The following ERBB4 variants were observed in gnomAD, a reference collection of about 807,000 sequenced individuals.
ERBB4 encodes receptor tyrosine-protein kinase erbB-4.
A neutral mutation model predicts 158.0 loss-of-function variants in ERBB4; 42 were observed. The observed-to-expected ratio is 0.27, with a 90% CI of 0.21 to 0.34. ERBB4 has a LOEUF of 0.34. Among genes scored for constraint, ERBB4 ranks in the 10% least tolerant of loss-of-function variants. The probability of loss-of-function intolerance (pLI) is 1.00; values close to 1 mark genes in which losing one functional copy is unlikely to be tolerated. For synonymous variants in ERBB4, 583 were observed against 558.7 expected (o/e 1.04, Z -0.61); for missense variants, 1,333 against 1,624.1 (o/e 0.82, Z 3.08).
At chr2:212,412,613 G>A (rs957296348) in intron 1 of ERBB4, among the ~76,000 whole-genome samples, 1 of 152,110 alleles carries the variant, frequency 6.6e-6, no homozygotes, top group Non-Finnish European at 1.5e-5. Context: ...CCAGTCTCAG[G>A]TATTCCTTCA....
chr2:211,680,515 T>C (rs1186211733), intron 12 of ERBB4, among the ~76,000 whole-genome samples: 1 of 152,184 alleles, frequency 6.6e-6, no homozygotes, highest in Admixed American at 6.5e-5. Flanking sequence ...GCAAGAACAT[T>C]TGCGAGGTGG....
intron 4 of ERBB4, chr2:211,779,478 T>C (rs2075981111): frequency 6.6e-6 from 1 of 152,220 alleles, no homozygotes; most frequent in Non-Finnish European, 1.5e-5. Context: ...TTCACCATTA[T>C]ATTCATAGGT....
intron 14 of ERBB4, among the ~76,000 whole-genome samples, chr2:211,668,901 C>CT (rs1185977444): frequency 6.6e-6 from 1 of 152,018 alleles, no homozygotes; most frequent in Non-Finnish European, 1.5e-5. Context: ...GGCTCGCTGC[C>CT]TTAGAACATT....
intron 19 of ERBB4, among the ~76,000 whole-genome samples, chr2:211,601,285 C>A (rs1193183791): frequency 6.6e-6 from 1 of 151,660 alleles, no homozygotes; most frequent in Non-Finnish European, 1.5e-5. Flanking sequence ...AGAAAACATA[C>A]TAGAAAATTA....
At chr2:211,579,213 T>C (rs73076976) in intron 19 of ERBB4, among the ~76,000 whole-genome samples, 13,843 of 152,004 alleles carry the variant, frequency 0.091, 1,686 homozygotes, top group African/African-American at 0.28. Context: ...TTAACGACAC[T>C]GAGATGTTGA....
chr2:211,851,740 A>C (rs2106034718), intron 3 of ERBB4, among the ~76,000 whole-genome samples: 1 of 152,066 alleles, frequency 6.6e-6, no homozygotes, highest in African/African-American at 2.4e-5. Context: ...ATAAGAGAAT[A>C]GTGAAAAAGC....
At chr2:211,469,153 G>A (rs1320889930) in intron 20 of ERBB4, among the ~76,000 whole-genome samples, 1 of 152,098 alleles carries the variant, frequency 6.6e-6, no homozygotes, top group Non-Finnish European at 1.5e-5. Context: ...GCAGCTGCTT[G>A]CCTGTCATGC....
intron 19 of ERBB4, among the ~76,000 whole-genome samples, chr2:211,603,948 G>C (rs764010601): frequency 1.3e-5 from 2 of 152,190 alleles, no homozygotes; most frequent in Non-Finnish European, 2.9e-5. Context: ...AATTGTTCAA[G>C]TGGGCATATT....
intron 20 of ERBB4, among the ~76,000 whole-genome samples, chr2:211,523,013 G>A (rs902427654): frequency 6.6e-6 from 1 of 151,154 alleles, no homozygotes; most frequent in South Asian, 2.1e-4. Context: ...TGATCTTACT[G>A]TAGCAAAGTG....
rs530806187 is a variant in ERBB4, at chr2:212,262,523, A to G, written c.83-137620T>C. On this transcript the variant is annotated intron_variant, in intron 1 of 27. Transcript: ENST00000342788. Reference sequence around the variant, plus strand: ...ACTATGGTTAAAATATATTTATATCATAATTTTAGAAAACCTTACAATTAT... The same window carrying G: ...ACTATGGTTAAAATATATTTATATCGTAATTTTAGAAAACCTTACAATTAT... Among the ~76,000 whole-genome samples the G allele has an allele frequency of 1.4e-4, 21 of 152,304 alleles. No homozygotes were observed. In the East Asian group the frequency reaches 3.5e-3, roughly 25 times the overall value.
Position 212,356,746 on chromosome 2 carries a change from C to T in ERBB4, c.82+181703G>A, listed in dbSNP as rs548227631. Among the ~76,000 whole-genome samples the T allele has an allele frequency of 1.6e-4, 25 of 151,860 alleles. 1 individual carries two copies. Among genetic ancestry groups the T allele is most frequent in the Admixed American group, 1.4e-3 (21 of 15,164 alleles). ...AAAAAAAAAACATTCCTTGATAAAT[C>T]GATCTTTCCAACTTTTATCCTAATA... On this transcript the variant is annotated intron_variant, in intron 1 of 27. Coordinates refer to ENST00000342788, the MANE Select transcript of ERBB4 (RefSeq NM_005235.3).
chr2:211,755,995 A>G (rs1020294646), intron 4 of ERBB4, among the ~76,000 whole-genome samples: 1 of 152,220 alleles, frequency 6.6e-6, no homozygotes, highest in East Asian at 1.9e-4. Context: ...TACTTTTACT[A>G]GAGAAAGAAG....
chr2:211,563,632 T>A (rs183449316), intron 19 of ERBB4, among the ~76,000 whole-genome samples: 4 of 152,220 alleles, frequency 2.6e-5, no homozygotes, highest in Non-Finnish European at 5.9e-5. Context: ...ATTATATCAA[T>A]GTTAAATATT....
At chr2:211,977,315 C>T (rs2081637339) in intron 2 of ERBB4, among the ~76,000 whole-genome samples, 1 of 152,008 alleles carries the variant, frequency 6.6e-6, no homozygotes, top group South Asian at 2.1e-4. Flanking sequence ...TGAAAAAGAA[C>T]ATGAGACTGT....
intron 5 of ERBB4, among the ~76,000 whole-genome samples, chr2:211,748,662 C>T (rs574547643): frequency 1.3e-5 from 2 of 152,154 alleles, no homozygotes; most frequent in African/African-American, 4.8e-5. Context: ...CAACAAGGAG[C>T]TTTTGCAGAA....
At chr2:211,400,516 G>C (rs988978893) in intron 25 of ERBB4, among the ~76,000 whole-genome samples, 98 of 152,110 alleles carry the variant, frequency 6.4e-4, no homozygotes, top group African/African-American at 2.3e-3. Flanking sequence ...AGTAAAATAA[G>C]CCAGGCACAG....
chr2:212,061,404 G>A (rs1167758151), intron 2 of ERBB4, among the ~76,000 whole-genome samples: 4 of 130,702 alleles, frequency 3.1e-5, no homozygotes, highest in East Asian at 2.6e-4. Flanking sequence ...AGTGAGCCGC[G>A]ATGGTTCCAC....
intron 19 of ERBB4, among the ~76,000 whole-genome samples, chr2:211,612,344 T>C (rs1052167682): frequency 4.6e-5 from 7 of 152,100 alleles, no homozygotes; most frequent in Non-Finnish European, 1.0e-4. Context: ...ACATATTTGC[T>C]GTCATCAAGG....
At chr2:212,160,643 T>C (rs2081175691) in intron 1 of ERBB4, among the ~76,000 whole-genome samples, 2 of 152,006 alleles carry the variant, frequency 1.3e-5, no homozygotes, top group Admixed American at 1.3e-4. Context: ...AGAAGAGGGA[T>C]GTGCATCCAA....
Sources: gnomAD v4.1 joint callset for allele counts (sites outside exome capture counted in the v4.1 genomes callset) on GRCh38, gnomAD v4.1.1 for gene constraint, MANE v1.5 for transcripts, NCBI Gene and HGNC (gene_info 2026-07-23, HGNC 2026-07-21) for gene names.